The following AGBL4 variants were observed in gnomAD, a reference collection of about 807,000 sequenced individuals.
AGBL4 encodes AGBL carboxypeptidase 4.
A neutral mutation model predicts 66.4 loss-of-function variants in AGBL4; 58 were observed. The observed-to-expected ratio is 0.87, with a 90% CI of 0.71 to 1.09. The LOEUF (loss-of-function observed/expected upper bound fraction) is 1.09, where lower values mean the gene tolerates loss of function less well. Among genes scored for constraint, AGBL4 ranks in the 50% least tolerant of loss-of-function variants. AGBL4 has a pLI of 0.00. For missense variants in AGBL4, 579 were observed against 631.0 expected (o/e 0.92, Z 0.88); for synonymous variants, 234 against 222.9 (o/e 1.05, Z -0.44).
chr1:49,817,735 T>C (rs1645266700), intron 2 of AGBL4, among the ~76,000 whole-genome samples: 1 of 152,198 alleles, frequency 6.6e-6, no homozygotes, highest in Non-Finnish European at 1.5e-5. Context: ...TGTTTAGATA[T>C]GTAAAAGGCT....
At chr1:49,873,675 CCT>C (rs1646894340) in intron 1 of AGBL4, among the ~76,000 whole-genome samples, 1 of 152,030 alleles carries the variant, frequency 6.6e-6, no homozygotes, top group African/African-American at 2.4e-5. Context: ...CCATATCCTC[CCT>C]GTTTCCTGTC....
intron 2 of AGBL4, among the ~76,000 whole-genome samples, chr1:49,765,913 G>T (rs923967545): frequency 6.6e-6 from 1 of 152,114 alleles, no homozygotes; most frequent in South Asian, 2.1e-4. Flanking sequence ...TAAATGAAAA[G>T]AATCTTTGAG....
intron 3 of AGBL4, among the ~76,000 whole-genome samples, chr1:49,313,414 G>T (rs1044087005): frequency 6.6e-6 from 1 of 152,012 alleles, no homozygotes; most frequent in Non-Finnish European, 1.5e-5. Flanking sequence ...TGGGTCAAAT[G>T]GTATTTCTGG....
chr1:50,003,137 C>G (rs1392582286), intron 1 of AGBL4, among the ~76,000 whole-genome samples: 5 of 152,210 alleles, frequency 3.3e-5, no homozygotes, highest in Admixed American at 6.5e-5. Flanking sequence ...AATTAAGAAT[C>G]ATATACAAAA....
intron 1 of AGBL4, among the ~76,000 whole-genome samples, chr1:49,939,216 T>C (rs1266564034): frequency 6.6e-6 from 1 of 151,114 alleles, no homozygotes; most frequent in Non-Finnish European, 1.5e-5. Context: ...TACAAACAAA[T>C]GGAAGAACAT....
chr1:49,421,158 T>C (rs1281990819), intron 3 of AGBL4, among the ~76,000 whole-genome samples: 1 of 152,186 alleles, frequency 6.6e-6, no homozygotes, highest in Non-Finnish European at 1.5e-5. Flanking sequence ...TGTCTCTGTA[T>C]ATAATAATAC....
intron 6 of AGBL4, among the ~76,000 whole-genome samples, chr1:48,822,801 C>T (rs1048663604): frequency 1.3e-5 from 2 of 152,214 alleles, no homozygotes; most frequent in Admixed American, 1.3e-4. Flanking sequence ...TACACACACA[C>T]ATCTTACTGG....
chr1:49,589,439 T>C (rs953937247), intron 3 of AGBL4, among the ~76,000 whole-genome samples: 1 of 152,006 alleles, frequency 6.6e-6, no homozygotes, highest in African/African-American at 2.4e-5. Context: ...TTACCTATGG[T>C]CAAAAACTGC....
rs555901224 is a variant in AGBL4, at chr1:50,012,193, T to A, written c.34+11570A>T. Among the ~76,000 whole-genome samples the A allele has an allele frequency of 7.3e-5, 11 of 150,980 alleles. No individual in the cohort carries two copies. The South Asian group carries it at 2.3e-3, about 32-fold the overall frequency. Reference sequence around the variant, plus strand: ...AAAAAAAAAAAAAAAAAAAGAATGTTTACCAGAGGCTGAGAAGGTTAGTGG... The same window carrying A: ...AAAAAAAAAAAAAAAAAAAGAATGTATACCAGAGGCTGAGAAGGTTAGTGG... On this transcript the variant is annotated intron_variant, in intron 1 of 13. Transcript: ENST00000371839.
At chr1:49,425,369 T>C (rs1290952768) in intron 3 of AGBL4, among the ~76,000 whole-genome samples, 3 of 152,170 alleles carry the variant, frequency 2.0e-5, no homozygotes, top group African/African-American at 7.2e-5. Flanking sequence ...GGTCAAAGAA[T>C]GTGCAGCCAA....
At chr1:48,875,068 T>G (rs1007027380) in intron 5 of AGBL4, among the ~76,000 whole-genome samples, 1 of 152,184 alleles carries the variant, frequency 6.6e-6, no homozygotes, top group Non-Finnish European at 1.5e-5. Context: ...GTGCCAGGTA[T>G]CTTGCTGGGG....
At chr1:49,706,515 AT>A (rs1356332597) in intron 2 of AGBL4, among the ~76,000 whole-genome samples, 2 of 151,908 alleles carry the variant, frequency 1.3e-5, no homozygotes, top group African/African-American at 4.8e-5. Context: ...ACATTCATTG[AT>A]TTTTTGAAGG....
At chr1:49,255,349 G>A (rs1437485450) in intron 3 of AGBL4, among the ~76,000 whole-genome samples, 1 of 152,066 alleles carries the variant, frequency 6.6e-6, no homozygotes, top group African/African-American at 2.4e-5. Flanking sequence ...ATTAAAAAGC[G>A]GGCAAAAGAC....
At chr1:49,561,288 T>A (rs150157627) in intron 3 of AGBL4, among the ~76,000 whole-genome samples, 46 of 151,732 alleles carry the variant, frequency 3.0e-4, no homozygotes, top group East Asian at 1.2e-3. Flanking sequence ...ATTTTTATTT[T>A]TTATTATTAT....
At chr1:49,125,643 A>G (rs983232276) in intron 4 of AGBL4, among the ~76,000 whole-genome samples, 4 of 152,210 alleles carry the variant, frequency 2.6e-5, no homozygotes, top group African/African-American at 9.6e-5. Flanking sequence ...AAAGTAGCTG[A>G]TTGTACATTA....
chr1:50,023,831 G>A lies in AGBL4; in HGVS notation c.-35C>T. ...CCCTCAGTCTCCGAGCTCACGCGAA[G>A]ACCGCGGGGCAGTAGGGAGCGGGTG... On this transcript the variant is annotated 5_prime_UTR_variant, in exon 1 of 14. Coordinates refer to ENST00000371839, the MANE Select transcript of AGBL4 (RefSeq NM_032785.4). 1.3e-6 allele frequency: 2 copies of A among 1,546,850 alleles called. No individual in the cohort carries two copies. Among genetic ancestry groups the A allele is most frequent in the African/African-American group, 2.7e-5 (2 of 72,894 alleles).
At chr1:49,513,613 T>C (rs913916756) in intron 3 of AGBL4, among the ~76,000 whole-genome samples, 1 of 152,028 alleles carries the variant, frequency 6.6e-6, no homozygotes, top group African/African-American at 2.4e-5. Flanking sequence ...TGTTTTCTAC[T>C]TTTACAACTT....
chr1:49,570,961 C>A lies in AGBL4; in HGVS notation c.282+126352G>T, dbSNP rs373248177. Among the ~76,000 whole-genome samples, 51 of 152,056 alleles carry A rather than the reference C, an allele frequency of 3.4e-4. 1 individual carries two copies. In the South Asian group the frequency reaches 9.5e-3, roughly 28 times the overall value. Reference sequence around the variant, plus strand: ...TTGATCTATGTGTCTGTTTTTATACCATTACCATGCTGTTTTATTACTATA... The same window carrying A: ...TTGATCTATGTGTCTGTTTTTATACAATTACCATGCTGTTTTATTACTATA... On this transcript the variant is annotated intron_variant, in intron 3 of 13. Coordinates refer to ENST00000371839, the MANE Select transcript of AGBL4 (RefSeq NM_032785.4).
the AGBL4 span, among the ~76,000 whole-genome samples, chr1:48,522,937 A>G: frequency 9.2e-5 from 14 of 152,052 alleles, no homozygotes; most frequent in African/African-American, 3.1e-4. Flanking sequence ...AAAAAAAAAA[A>G]AAAAGAAAGA....
Sources: allele counts gnomAD v4.1 joint callset (sites outside exome capture counted in the v4.1 genomes callset), GRCh38; gene constraint gnomAD v4.1.1; transcripts MANE v1.5; gene names NCBI Gene and HGNC (gene_info 2026-07-23, HGNC 2026-07-21).